Variants in EYA1 observed in about 807,000 individuals in gnomAD.
EYA1 encodes protein phosphatase EYA1.
Under a neutral mutation model 82.0 loss-of-function variants are expected in EYA1, and 16 were observed. The ratio of observed to expected loss-of-function variants is 0.20; its 90% CI spans 0.13 to 0.30. The LOEUF is 0.30. EYA1 is among the 10% of genes least tolerant of loss of function. The pLI is 1.00. For synonymous variants in EYA1, 261 were observed against 264.4 expected, an observed-to-expected ratio of 0.99 and a Z score of 0.12; for missense variants, 633 against 730.7, an observed-to-expected ratio of 0.87 and a Z score of 1.54.
intron 9 of EYA1, among the ~76,000 whole-genome samples, chr8:71,286,392 G>T (rs1046760778): frequency 4.6e-5 from 7 of 152,216 alleles, no homozygotes; most frequent in Admixed American, 4.6e-4. Context: ...ACTGCAGAGT[G>T]CAGAACCCTG....
intron 1 of EYA1, among the ~76,000 whole-genome samples, chr8:71,538,946 A>G (rs1309199998): frequency 1.3e-5 from 2 of 152,098 alleles, no homozygotes; most frequent in African/African-American, 4.8e-5. Flanking sequence ...TCACTTGTGC[A>G]TCTACCCTAA....
intron 1 of EYA1, among the ~76,000 whole-genome samples, chr8:71,537,417 A>G (rs1814787966): frequency 6.6e-6 from 1 of 152,216 alleles, no homozygotes; most frequent in Admixed American, 6.5e-5. Flanking sequence ...TCCTTGCATA[A>G]TTAGGGAAGA....
At chr8:71,422,101 T>C (rs1831178636) in intron 2 of EYA1, among the ~76,000 whole-genome samples, 1 of 152,226 alleles carries the variant, frequency 6.6e-6, no homozygotes, top group Non-Finnish European at 1.5e-5. Flanking sequence ...AAGATGATAA[T>C]TCTGAATCTG....
At chr8:71,310,904 T>C (rs1235790325) in intron 7 of EYA1, among the ~76,000 whole-genome samples, 1 of 152,082 alleles carries the variant, frequency 6.6e-6, no homozygotes, top group Admixed American at 6.6e-5. Flanking sequence ...AAGATGTTCA[T>C]TACCTTTAAT....
At chr8:71,400,814 C>A (rs915956353) in intron 2 of EYA1, among the ~76,000 whole-genome samples, 45 of 152,192 alleles carry the variant, frequency 3.0e-4, no homozygotes, top group African/African-American at 1.0e-3. Context: ...ATAAATCATT[C>A]TATTATTAAG....
intron 2 of EYA1, chr8:71,529,399 T>A (rs1814081754): frequency 6.6e-6 from 1 of 152,194 alleles, no homozygotes; most frequent in African/African-American, 2.4e-5. Flanking sequence ...GCCTTAAGTA[T>A]TGGAAAATAA....
intron 2 of EYA1, among the ~76,000 whole-genome samples, chr8:71,505,874 T>TG (rs1812155763): frequency 1.3e-5 from 2 of 152,074 alleles, no homozygotes; most frequent in African/African-American, 4.8e-5. Flanking sequence ...TGAGACCTGG[T>TG]GGGAGGTGAT....
chr8:71,242,773 C>CTTTT (rs35413533), intron 12 of EYA1, among the ~76,000 whole-genome samples: 2,661 of 117,542 alleles, frequency 0.023, 102 homozygotes, highest in African/African-American at 0.083. Context: ...AGTTTTGGCA[C>CTTTT]TTTTTTTTTT....
intron 11 of EYA1, among the ~76,000 whole-genome samples, chr8:71,263,482 T>C (rs1293758550): frequency 1.3e-5 from 2 of 152,224 alleles, no homozygotes; most frequent in East Asian, 1.9e-4. Flanking sequence ...TAGATCTGTT[T>C]GTAACAGCCA....
chr8:71,330,230 T>C (rs566580068), intron 4 of EYA1, among the ~76,000 whole-genome samples: 2 of 152,306 alleles, frequency 1.3e-5, no homozygotes, highest in South Asian at 2.1e-4. Context: ...TCCCTCAACA[T>C]ACTGCCACCT....
chr8:71,298,978 G>T, intron 9 of EYA1, 69 bp downstream of exon 9: 4 of 1,496,036 alleles, frequency 2.7e-6, no homozygotes, highest in South Asian at 2.3e-5. Context: ...ATGAATATAT[G>T]ACTGTAGAAA....
At chr8:71,335,217 A>G (rs1824348394) in intron 3 of EYA1, among the ~76,000 whole-genome samples, 1 of 152,210 alleles carries the variant, frequency 6.6e-6, no homozygotes, top group Admixed American at 6.5e-5. Flanking sequence ...CTCCCATGAG[A>G]GAATATTTGG....
At chr8:71,423,587 T>C (rs1831260749) in intron 2 of EYA1, among the ~76,000 whole-genome samples, 1 of 152,240 alleles carries the variant, frequency 6.6e-6, no homozygotes, top group Non-Finnish European at 1.5e-5. Flanking sequence ...TTTCTTCATA[T>C]TGTGATTGTA....
At chr8:71,199,772 T>C (rs764147299) in intron 17 of EYA1, among the ~76,000 whole-genome samples, 5 of 152,236 alleles carry the variant, frequency 3.3e-5, no homozygotes, top group Non-Finnish European at 4.4e-5. Flanking sequence ...GCTGAAAGTT[T>C]AAAAAGCTTG....
At position 71,215,524 on chromosome 8, in the gene EYA1, G is replaced by T; in HGVS notation, c.1476-16C>A. On this transcript the variant is annotated splice_polypyrimidine_tract_variant and intron_variant, in intron 15 of 17. Coordinates refer to ENST00000340726, the MANE Select transcript of EYA1 (RefSeq NM_000503.6). ...ACAGTTTGTCCTATGAGAACAAAAA[G>T]AAAACAAAGACTGTTGAAAAATAAA... is the stretch of plus-strand genomic sequence containing the variant. 1.9e-6 allele frequency: 3 copies of T among 1,612,778 alleles called. No individual in the cohort carries two copies. The highest frequency in any genetic ancestry group is 1.3e-5 in the African/African-American group (1 of 75,010).
At chr8:71,393,472 T>C (rs973137994) in intron 2 of EYA1, among the ~76,000 whole-genome samples, 15 of 152,080 alleles carry the variant, frequency 9.9e-5, no homozygotes, top group African/African-American at 3.6e-4. Context: ...CAGTCCCCAG[T>C]GTGTGATGTT....
chr8:71,432,024 C>T (rs1188169071), intron 2 of EYA1, among the ~76,000 whole-genome samples: 1 of 152,166 alleles, frequency 6.6e-6, no homozygotes, highest in Admixed American at 6.5e-5. Flanking sequence ...CCACTAGTCT[C>T]AGTTACACAA....
chr8:71,492,953 C>T (rs958508078), intron 2 of EYA1, among the ~76,000 whole-genome samples: 4 of 152,044 alleles, frequency 2.6e-5, no homozygotes, highest in African/African-American at 4.8e-5. Flanking sequence ...TGTGTTGTTC[C>T]TCTTTGTGTG....
intron 3 of EYA1, among the ~76,000 whole-genome samples, chr8:71,335,418 A>G (rs745840945): frequency 8.5e-5 from 13 of 152,224 alleles, no homozygotes; most frequent in South Asian, 8.3e-4. Flanking sequence ...TTATAAATAG[A>G]TGCATCGGAT....
Sources: allele counts gnomAD v4.1 joint callset (sites outside exome capture counted in the v4.1 genomes callset), GRCh38; gene constraint gnomAD v4.1.1; transcripts MANE v1.5; gene names NCBI Gene and HGNC (gene_info 2026-07-23, HGNC 2026-07-21).